KCNQ3: variants seen among roughly 807,000 people sequenced by gnomAD.
The protein encoded by KCNQ3 is potassium voltage-gated channel subfamily Q member 3.
A neutral mutation model predicts 92.5 loss-of-function variants in KCNQ3; 30 were observed. The ratio of observed to expected loss-of-function variants is 0.32; its 90% CI spans 0.24 to 0.44. The LOEUF is 0.44. Among genes scored for constraint, KCNQ3 ranks in the 20% least tolerant of loss-of-function variants. The probability of loss-of-function intolerance (pLI) is 1.00; values close to 1 mark genes in which losing one functional copy is unlikely to be tolerated. For synonymous variants in KCNQ3, 450 were observed against 468.8 expected, an observed-to-expected ratio of 0.96 and a Z score of 0.52; for missense variants, 913 against 1,140.3, an observed-to-expected ratio of 0.80 and a Z score of 2.87.
At chr8:132,195,543 T>C (rs1436048917) in intron 1 of KCNQ3, among the ~76,000 whole-genome samples, 2 of 152,218 alleles carry the variant, frequency 1.3e-5, no homozygotes, top group Non-Finnish European at 2.9e-5. Context: ...TGGAAGAGTG[T>C]GCCCTTCACC....
At chr8:132,278,028 C>T (rs1018857075) in intron 1 of KCNQ3, 3 of 985,354 alleles carry the variant, frequency 3.0e-6, no homozygotes, top group Non-Finnish European at 3.6e-6. Context: ...TTCAAGGCTA[C>T]AGAGCTCAGA....
chr8:132,252,710 T>C (rs1441082633), intron 1 of KCNQ3, among the ~76,000 whole-genome samples: 1 of 152,176 alleles, frequency 6.6e-6, no homozygotes, highest in Non-Finnish European at 1.5e-5. Flanking sequence ...AGAGTGCTGA[T>C]TGGTGCATTT....
chr8:132,130,313 G>C (rs141555574), intron 14 of KCNQ3, among the ~76,000 whole-genome samples: 1 of 152,008 alleles, frequency 6.6e-6, no homozygotes, highest in African/African-American at 2.4e-5. Flanking sequence ...AACTGACCTC[G>C]TGATCCACCT....
intron 1 of KCNQ3, among the ~76,000 whole-genome samples, chr8:132,346,086 TGAC>T (rs1818681066): frequency 6.6e-6 from 1 of 152,016 alleles, no homozygotes; most frequent in African/African-American, 2.4e-5. Context: ...GGTGACAAGA[TGAC>T]GATGATGATG....
chr8:132,297,719 C>T (rs1295203378), intron 1 of KCNQ3, among the ~76,000 whole-genome samples: 1 of 34,790 alleles, frequency 2.9e-5, no homozygotes, highest in African/African-American at 6.3e-5. Flanking sequence ...ATGACAAGTC[C>T]ACTGTGGATC....
chr8:132,396,623 A>G (rs1820200621), intron 1 of KCNQ3, among the ~76,000 whole-genome samples: 1 of 152,138 alleles, frequency 6.6e-6, no homozygotes, highest in Admixed American at 6.6e-5. Flanking sequence ...GTAAGATTAT[A>G]AGACAGTCCC....
At chr8:132,447,390 C>T (rs1821711136) in intron 1 of KCNQ3, 3 of 726,356 alleles carry the variant, frequency 4.1e-6, no homozygotes, top group Non-Finnish European at 7.0e-6. Context: ...GGAGAAGACA[C>T]TGCAAGAAAG....
intron 9 of KCNQ3, among the ~76,000 whole-genome samples, chr8:132,155,273 AGT>A (rs1491516698): frequency 7.2e-5 from 11 of 152,174 alleles, no homozygotes; most frequent in African/African-American, 2.7e-4. Context: ...CTTAATGCTC[AGT>A]GTTTAGGTTA....
At chr8:132,202,581 T>A (rs1464768525) in intron 1 of KCNQ3, among the ~76,000 whole-genome samples, 1 of 152,224 alleles carries the variant, frequency 6.6e-6, no homozygotes, top group African/African-American at 2.4e-5. Flanking sequence ...ATATCCTAGT[T>A]CATGGCTCTT....
At chr8:132,459,309 G>A (rs967259549) in intron 1 of KCNQ3, among the ~76,000 whole-genome samples, 2 of 152,172 alleles carry the variant, frequency 1.3e-5, no homozygotes, top group Non-Finnish European at 2.9e-5. Flanking sequence ...CTAAGGCTGG[G>A]TAACTTATAA....
At chr8:132,392,073 A>G (rs571804596) in intron 1 of KCNQ3, among the ~76,000 whole-genome samples, 1 of 152,174 alleles carries the variant, frequency 6.6e-6, no homozygotes, top group East Asian at 1.9e-4. Flanking sequence ...CAGCAGTACC[A>G]AGTCTGTGCC....
intron 9 of KCNQ3, among the ~76,000 whole-genome samples, chr8:132,156,891 GAC>G (rs546249316): frequency 6.4e-4 from 98 of 152,312 alleles, no homozygotes; most frequent in Middle Eastern, 3.4e-3. Flanking sequence ...TTGGGACACA[GAC>G]ACACTCAGAG....
At chr8:132,178,095 A>T (rs1445812442) in intron 4 of KCNQ3, among the ~76,000 whole-genome samples, 1 of 152,240 alleles carries the variant, frequency 6.6e-6, no homozygotes, top group Non-Finnish European at 1.5e-5. Flanking sequence ...GGCACTGGGG[A>T]TCTATTATAG....
intron 1 of KCNQ3, chr8:132,277,972 C>T: frequency 1.0e-6 from 1 of 985,414 alleles, no homozygotes; most frequent in Non-Finnish European, 1.2e-6. Context: ...ATCTCACCTT[C>T]ACCCCCACAG....
At chr8:132,374,686 C>T (rs145086895) in intron 1 of KCNQ3, among the ~76,000 whole-genome samples, 409 of 152,298 alleles carry the variant, frequency 2.7e-3, no homozygotes, top group Non-Finnish European at 4.0e-3. Context: ...CCAGCCTCCA[C>T]CCTCAAGTAG....
chr8:132,339,429 T>C (rs1472765380), intron 1 of KCNQ3, among the ~76,000 whole-genome samples: 1 of 152,192 alleles, frequency 6.6e-6, no homozygotes, highest in African/African-American at 2.4e-5. Flanking sequence ...TGCTTTGCTC[T>C]TTACCACCAT....
rs557608795 is a variant in KCNQ3 at position 132,289,860 on chromosome 8, T to C, written c.387-103679A>G. Among the ~76,000 whole-genome samples, 8 of 152,310 alleles carry C rather than the reference T, an allele frequency of 5.3e-5. No homozygotes were observed. The South Asian group carries it at 1.2e-3, about 24-fold the overall frequency. The stretch of plus-strand genomic sequence containing the variant: ...AGGCCAGAATGTGACCTTCTGAGTC[T>C]CTTATCCAACCTGTGACTGCATCCT... On this transcript the variant is annotated intron_variant, in intron 1 of 14. Transcript: ENST00000388996.
chr8:132,357,034 C>CAAA (rs199839464), intron 1 of KCNQ3, among the ~76,000 whole-genome samples: 1 of 150,472 alleles, frequency 6.6e-6, no homozygotes, highest in Non-Finnish European at 1.5e-5. Context: ...ACAACAACAA[C>CAAA]AAAAACTAAG....
chr8:132,452,458 C>A (rs1382626661), intron 1 of KCNQ3, among the ~76,000 whole-genome samples: 1 of 152,214 alleles, frequency 6.6e-6, no homozygotes, highest in Non-Finnish European at 1.5e-5. Context: ...ATTCCATGCA[C>A]ATGCTGCTTT....
Sources: gnomAD v4.1 joint callset for allele counts (sites outside exome capture counted in the v4.1 genomes callset) on GRCh38, gnomAD v4.1.1 for gene constraint, MANE v1.5 for transcripts, NCBI Gene and HGNC (gene_info 2026-07-23, HGNC 2026-07-21) for gene names.